Variants in ZNF718 observed in about 807,000 individuals in gnomAD.
The protein encoded by ZNF718 is zinc finger protein 718.
A neutral mutation model predicts 2.6 loss-of-function variants in ZNF718; 3 were observed. That is an observed-to-expected ratio of 1.16 (90% CI 0.53 to 3.01). The LOEUF is 3.01. Ranked by LOEUF, ZNF718 falls within the 30% of genes most tolerant of loss-of-function variation. The pLI is 0.03. For missense variants in ZNF718, 468 were observed against 230.0 expected, an observed-to-expected ratio of 2.03 and a Z score of -6.69; for synonymous variants, 135 against 77.9, an observed-to-expected ratio of 1.73 and a Z score of -3.86.
In ZNF718 at chr4:161,447, C is replaced by A; in HGVS notation, c.762C>A (p.Pro254=). ...KHKRIHTGEK[P]YICEKCGKAF... ...AGAGAATTCATACTGGAGAGAAACC[C>A]TACATATGTGAAAAATGTGGTAAAG... Residue 254 remains proline (P), a synonymous_variant, in exon 4 of 4, where the codon CCC becomes CCA. Transcript: ENST00000510175. The A allele has an allele frequency of 1.3e-6, 1 of 780,208 alleles. No homozygotes were observed. The highest frequency in any genetic ancestry group is 1.3e-5 in the South Asian group (1 of 74,608). The allele number at this position is 780,208 out of a possible 1,614,324, so 48.3% of individuals were successfully genotyped here.
intron 3 of ZNF718, among the ~76,000 whole-genome samples, chr4:135,389 T>A (rs1158563535): frequency 6.6e-6 from 1 of 151,974 alleles, no homozygotes; most frequent in Non-Finnish European, 1.5e-5. Context: ...TAAATCAATA[T>A]GTGTAAGATG....
intron 3 of ZNF718, among the ~76,000 whole-genome samples, chr4:160,349 G>C (rs1376718749): frequency 6.6e-6 from 1 of 152,042 alleles, no homozygotes; most frequent in Non-Finnish European, 1.5e-5. Flanking sequence ...TTGGAATTGT[G>C]CTTACCTGAG....
At chr4:136,151 T>G (rs1009285065) in intron 3 of ZNF718, among the ~76,000 whole-genome samples, 1 of 152,140 alleles carries the variant, frequency 6.6e-6, no homozygotes, top group Admixed American at 6.5e-5. Context: ...TGGCAGGCAG[T>G]AAGGCAGGGT....
At chr4:131,586 T>C (rs1179605134) in intron 3 of ZNF718, 81 bp downstream of exon 3, 1 of 272,910 alleles carries the variant, frequency 3.7e-6, no homozygotes, top group African/African-American at 2.8e-5. Flanking sequence ...AAATGTTGTT[T>C]GAGAGGCTGA....
chr4:201,988 G>C, exon 5 of ZNF718: 1 of 163,710 alleles, frequency 6.1e-6, no homozygotes, highest in South Asian at 1.7e-4. Context: ...TTTGTTGGAT[G>C]CCTAGTGACA....
chr4:152,167 A>G (rs1208061035), intron 3 of ZNF718, among the ~76,000 whole-genome samples: 35 of 147,340 alleles, frequency 2.4e-4, no homozygotes, highest in African/African-American at 8.0e-4. Flanking sequence ...GGAGCATACA[A>G]TCGGGTTTTA....
chr4:150,303 A>T (rs1716258474), intron 3 of ZNF718: 2 of 152,196 alleles, frequency 1.3e-5, no homozygotes, highest in African/African-American at 4.8e-5. Flanking sequence ...TAATAAATGA[A>T]CATGCATGTG....
At chr4:158,222 G>A (rs1716663845) in intron 3 of ZNF718, among the ~76,000 whole-genome samples, 3 of 152,016 alleles carry the variant, frequency 2.0e-5, no homozygotes, top group Admixed American at 6.6e-5. Flanking sequence ...TGCATGAAAT[G>A]TCTTTTTTCA....
In ZNF718 at chr4:161,695, A is replaced by T; in HGVS notation, c.1010A>T (p.Lys337Ile). 1.3e-6 allele frequency: 1 copy of T among 779,236 alleles called. No individual in the cohort carries two copies. The highest frequency in any genetic ancestry group is 2.4e-6 in the Non-Finnish European group (1 of 417,044). 48.3% of individuals were successfully genotyped at this position (779,236 alleles called of 1,614,324 possible). A position where few individuals can be genotyped will look rare whatever the true frequency, so the allele number is the denominator to read the frequency against. ...CATAAGAGAATTCATACAGGAGAGAAACCCTACAAATGTGAAGAATGTGGA... is the reference window on the plus strand; with the variant it reads ...CATAAGAGAATTCATACAGGAGAGATACCCTACAAATGTGAAGAATGTGGA... ...AKHKRIHTGE[K>I]PYKCEECGKS... The change falls in exon 4 of 4, where the codon AAA becomes ATA. Residue 337 changes from lysine to isoleucine, a missense_variant. Transcript: ENST00000510175.
intron 3 of ZNF718, among the ~76,000 whole-genome samples, chr4:185,102 A>T (rs182665473): frequency 6.6e-6 from 1 of 152,102 alleles, no homozygotes; most frequent in East Asian, 1.9e-4. Context: ...TAGGTTGATG[A>T]CTTGAGATCT....
rs556481676 is a variant in ZNF718, at chr4:172,878, A to T, written c.227-28203A>T. On this transcript the variant is annotated intron_variant and NMD_transcript_variant, in intron 3 of 4. Coordinates refer to the ZNF718 transcript ENST00000642529. ...AGACCATCCTGGCCAACATGGTGAA[A>T]CTCCGTCTCTACTAAAATTAGATGG... 6.6e-5 allele frequency among the ~76,000 whole-genome samples: 10 copies of T among 151,952 alleles called. No homozygotes were observed. In the East Asian group the frequency reaches 1.9e-3, roughly 30 times the overall value.
At chr4:152,184 G>A in intron 3 of ZNF718, among the ~76,000 whole-genome samples, 1 of 146,480 alleles carries the variant, frequency 6.8e-6, no homozygotes. Flanking sequence ...TTTATACCGA[G>A]ACATTCCATT....
intron 3 of ZNF718, among the ~76,000 whole-genome samples, chr4:185,982 T>G (rs1402307483): frequency 6.6e-6 from 1 of 152,190 alleles, no homozygotes; most frequent in African/African-American, 2.4e-5. Context: ...CTGGGGCACT[T>G]AACCTATTCG....
intron 3 of ZNF718, among the ~76,000 whole-genome samples, chr4:172,798 G>A (rs1553818330): frequency 6.6e-6 from 1 of 152,130 alleles, no homozygotes; most frequent in Non-Finnish European, 1.5e-5. Context: ...ACTCTCACCT[G>A]TAATCCCAGC....
At chr4:185,003 T>C (rs1717539737) in intron 3 of ZNF718, among the ~76,000 whole-genome samples, 1 of 152,126 alleles carries the variant, frequency 6.6e-6, no homozygotes, top group African/African-American at 2.4e-5. Context: ...TATTATGTTC[T>C]GTTCAGCTCT....
At position 162,028 on chromosome 4, in the gene ZNF718, A is replaced by G. The variant is rs782715478; in HGVS notation, c.1343A>G (p.Asp448Gly). The G allele has an allele frequency of 9.0e-6, 7 of 778,140 alleles. No homozygotes were observed. The highest frequency in any genetic ancestry group is 1.2e-5 in the Non-Finnish European group (5 of 416,462). The allele number at this position is 778,140 out of a possible 1,614,324, so 48.2% of individuals were successfully genotyped here. A position where few individuals can be genotyped will look rare whatever the true frequency, so the allele number is the denominator to read the frequency against. The change falls in exon 4 of 4, where the codon GAT (aspartate) becomes GGT (glycine). Residue 448 changes from aspartate to glycine, a missense_variant. Asp to Gly is a moderately conservative substitution (Grantham distance 94). Transcript: ENST00000510175. ...AAACATAAGAAAATTCACACTGTAG[A>G]TAAACCCTACAAATGTAAAGAATGC... Reference protein sequence around the residue: ...LNKHKKIHTVDKPYKCKECGK... With the variant: ...LNKHKKIHTVGKPYKCKECGK...
chr4:145,707 C>T (rs1203583591), intron 3 of ZNF718, among the ~76,000 whole-genome samples: 4 of 152,120 alleles, frequency 2.6e-5, no homozygotes, highest in Admixed American at 1.3e-4. Context: ...CTCCACCTGC[C>T]TTGGCCTCTC....
intron 3 of ZNF718, among the ~76,000 whole-genome samples, chr4:198,976 T>G (rs1717845677): frequency 6.6e-6 from 1 of 152,226 alleles, no homozygotes; most frequent in Admixed American, 6.5e-5. Flanking sequence ...AACTTGCCCA[T>G]GGTCACAAAC....
chr4:180,913 C>A (rs1248458708), intron 3 of ZNF718, among the ~76,000 whole-genome samples: 1 of 152,100 alleles, frequency 6.6e-6, no homozygotes, highest in Non-Finnish European at 1.5e-5. Context: ...TATTCCTAGA[C>A]CCAAATCAGA....
Sources: gnomAD v4.1 joint callset for allele counts (sites outside exome capture counted in the v4.1 genomes callset) on GRCh38, gnomAD v4.1.1 for gene constraint, MANE v1.5 for transcripts, NCBI Gene and HGNC (gene_info 2026-07-23, HGNC 2026-07-21) for gene names.